Variants in STAMBP observed in about 807,000 individuals in gnomAD.
STAMBP encodes STAM-binding protein.
A neutral mutation model predicts 50.7 loss-of-function variants in STAMBP; 31 were observed. The ratio of observed to expected loss-of-function variants is 0.61; its 90% CI spans 0.46 to 0.83. The LOEUF (loss-of-function observed/expected upper bound fraction) is 0.83, where lower values mean the gene tolerates loss of function less well. Ranked by LOEUF, STAMBP falls within the 40% of genes least tolerant of loss-of-function variation. The pLI, the probability that STAMBP is intolerant of heterozygous loss-of-function variation, is 0.00. For synonymous variants in STAMBP, 211 were observed against 192.4 expected, an observed-to-expected ratio of 1.10 and a Z score of -0.80; for missense variants, 472 against 518.9, an observed-to-expected ratio of 0.91 and a Z score of 0.88.
At chr2:73,861,973 A>G (rs1043081104) in intron 9 of STAMBP, among the ~76,000 whole-genome samples, 12 of 152,060 alleles carry the variant, frequency 7.9e-5, no homozygotes, top group African/African-American at 2.9e-4. Flanking sequence ...CCCCACCTCT[A>G]CTAAAAACAC....
chr2:73,833,233 A>C (rs1674183400), intron 2 of STAMBP, among the ~76,000 whole-genome samples: 1 of 152,204 alleles, frequency 6.6e-6, no homozygotes, highest in African/African-American at 2.4e-5. Flanking sequence ...TATTTGTTAC[A>C]CTTGTAACCT....
downstream of STAMBP, among the ~76,000 whole-genome samples, chr2:73,870,778 AT>A (rs1225853973): frequency 6.6e-6 from 1 of 152,146 alleles, no homozygotes; most frequent in Non-Finnish European, 1.5e-5. Flanking sequence ...GCACAATTCC[AT>A]CAAAATATTT....
At position 73,850,329 on chromosome 2, in the gene STAMBP, T is replaced by C; in HGVS notation, c.868-47T>C. ...CTGTCGGGATGGAGTGGAGCAGGGT[T>C]GCATGAGCACCAGGGAATTGTGACC... On this transcript the variant is annotated intron_variant, in intron 6 of 9. Coordinates refer to ENST00000394070, the MANE Select transcript of STAMBP (RefSeq NM_213622.4). The surrounding 1 kb of genome is among the most constrained non-coding windows in gnomAD (Gnocchi z 4.3). 6.3e-7 allele frequency: 1 copy of C among 1,577,892 alleles called. No individual in the cohort carries two copies.
chr2:73,844,648 A>G, intron 2 of STAMBP, 165 bp from the exon 3 acceptor site: 1 of 497,312 alleles, frequency 2.0e-6, no homozygotes, highest in Non-Finnish European at 3.6e-6. Context: ...TTAGGGGGAT[A>G]GAGATGGGAA....
downstream of STAMBP, among the ~76,000 whole-genome samples, chr2:73,869,514 G>A (rs1159100964): frequency 1.3e-5 from 2 of 152,026 alleles, no homozygotes; most frequent in Admixed American, 6.6e-5. Flanking sequence ...TAACTTGAAA[G>A]ATTATTCTAA....
chr2:73,837,176 TA>T (rs1334107705), intron 2 of STAMBP, among the ~76,000 whole-genome samples: 2 of 152,262 alleles, frequency 1.3e-5, no homozygotes, highest in African/African-American at 4.8e-5. Context: ...GATATTTTCA[TA>T]TTGCATTACA....
At chr2:73,830,773 G>A (rs1345708477) in intron 1 of STAMBP, 72 bp from the exon 2 acceptor site, 1 of 1,163,040 alleles carries the variant, frequency 8.6e-7, no homozygotes, top group Non-Finnish European at 1.2e-6. Flanking sequence ...GTAGAGGTCT[G>A]TGAGATAAAC....
chr2:73,831,154 T>C, intron 2 of STAMBP, 95 bp downstream of exon 2: 1 of 981,792 alleles, frequency 1.0e-6, no homozygotes, highest in East Asian at 2.4e-5. Flanking sequence ...CACAATATCA[T>C]CAACATTAAT....
chr2:73,832,523 C>T (rs1439918511), intron 2 of STAMBP, among the ~76,000 whole-genome samples: 1 of 151,888 alleles, frequency 6.6e-6, no homozygotes, highest in African/African-American at 2.4e-5. Context: ...CAGTGCTTCT[C>T]CCCAGAGACA....
rs767594266 is a variant in STAMBP at position 73,847,523 on chromosome 2, A to C, written c.512A>C (p.Asn171Thr). Residue 171 changes from asparagine to threonine, a missense_variant, in exon 5 of 10, where the codon AAC becomes ACC. Physicochemically the swap from Asn to Thr is moderately conservative, Grantham distance 65. Transcript: ENST00000394070. Reference protein sequence around the residue: ...QFHAFEEMIRNQELEKERLKI... With the variant: ...QFHAFEEMIRTQELEKERLKI... ...CATGCCTTCGAGGAGATGATCCGGA[A>C]CCAGGAGCTAGAAAAAGAGCGACTG... The C allele has an allele frequency of 1.2e-6, 2 of 1,614,184 alleles. No homozygotes were observed. The highest frequency in any genetic ancestry group is 2.2e-5 in the South Asian group (2 of 91,084).
chr2:73,867,402 G>A (rs1284383961), downstream of STAMBP, among the ~76,000 whole-genome samples: 1 of 152,168 alleles, frequency 6.6e-6, no homozygotes, highest in Non-Finnish European at 1.5e-5. Flanking sequence ...AAATTAGCCA[G>A]ATGTGGTGGC....
At position 73,860,144 on chromosome 2, in the gene STAMBP, T is replaced by G. The variant is rs1454897330; in HGVS notation, c.1211T>G (p.Leu404Arg). The G allele has an allele frequency of 1.2e-6, 2 of 1,613,398 alleles. No homozygotes were observed. The highest frequency in any genetic ancestry group is 1.7e-6 in the Non-Finnish European group (2 of 1,179,584). The part of the protein sequence containing the change: ...GFHPHSKDPP[L>R]FCSCSHVTVV... Reference sequence around the variant, plus strand: ...CATCCACACAGCAAGGATCCACCTCTGTTCTGTGTACGTATCTATGTAAAA... The same window carrying G: ...CATCCACACAGCAAGGATCCACCTCGGTTCTGTGTACGTATCTATGTAAAA... The change falls in exon 9 of 10, where the codon CTG (leucine) becomes CGG (arginine). Residue 404 changes from leucine (L) to arginine (R), a missense_variant. Coordinates refer to ENST00000394070, the MANE Select transcript of STAMBP (RefSeq NM_213622.4).
rs2104749016 is a variant in STAMBP at position 73,866,849 on chromosome 2, G to C, written c.*4590G>C. On this transcript the variant is annotated 3_prime_UTR_variant, in exon 10 of 10. Coordinates refer to ENST00000394070, the MANE Select transcript of STAMBP (RefSeq NM_213622.4). The stretch of plus-strand genomic sequence containing the variant: ...GCAACAGTTTAAAGGAGGGGAGGGA[G>C]ATCAGTGGTGCCAACTGGCTCAGAA... 6.6e-6 allele frequency: 1 copy of C among 152,366 alleles called. No individual in the cohort carries two copies. Among genetic ancestry groups the C allele is most frequent in the Middle Eastern group, 3.4e-3 (1 of 294 alleles). 9.4% of individuals were successfully genotyped at this position (152,366 alleles called of 1,614,324 possible).
Position 73,830,939 on chromosome 2 carries a change from A to G in STAMBP, c.83A>G (p.Asn28Ser). The G allele has an allele frequency of 6.2e-7, 1 of 1,614,186 alleles. No homozygotes were observed. The highest frequency in any genetic ancestry group is 8.5e-7 in the Non-Finnish European group (1 of 1,180,030). ...LSQLGSAVEV[N>S]EDIPPRRYFR... ...CAGCTGGGTAGTGCGGTAGAGGTGA[A>G]TGAAGACATTCCACCCCGTCGGTAC... The change falls in exon 2 of 10, where the codon AAT becomes AGT. Residue 28 changes from asparagine (N) to serine (S), a missense_variant. Coordinates refer to ENST00000394070, the MANE Select transcript of STAMBP (RefSeq NM_213622.4).
chr2:73,847,834 C>A (rs1488579567), intron 5 of STAMBP, 81 bp downstream of exon 5: 2 of 1,500,654 alleles, frequency 1.3e-6, no homozygotes, highest in African/African-American at 1.4e-5. Flanking sequence ...CTAAGATTAC[C>A]TCCCTGATCC....
chr2:73,831,094 T>G, intron 2 of STAMBP, 35 bp downstream of exon 2: 1 of 1,563,992 alleles, frequency 6.4e-7, no homozygotes, highest in Non-Finnish European at 8.8e-7. Flanking sequence ...TCCTTTCTGG[T>G]GACTGGTGCC....
At chr2:73,859,727 A>AAAAAAT (rs989302803) in intron 8 of STAMBP, among the ~76,000 whole-genome samples, 7 of 151,424 alleles carry the variant, frequency 4.6e-5, no homozygotes, top group African/African-American at 1.5e-4. Flanking sequence ...TAAAAAAATA[A>AAAAAAT]AAATAAAAAA....
chr2:73,850,561 G>A lies in STAMBP; in HGVS notation c.1005+48G>A, dbSNP rs1160712685. The A allele has an allele frequency of 6.3e-7, 1 of 1,579,598 alleles. No homozygotes were observed. The highest frequency in any genetic ancestry group is 2.3e-5 in the East Asian group (1 of 44,054). ...AGAGTTAGTCTCTGCCTCTCCCATG[G>A]TGGTATAAATACATGAGTGTTTCTT... On this transcript the variant is annotated intron_variant, in intron 7 of 9. Transcript: ENST00000394070. The surrounding 1 kb of genome is among the most constrained non-coding windows in gnomAD (Gnocchi z 4.3).
At chr2:73,840,652 G>A (rs1227323380) in intron 2 of STAMBP, among the ~76,000 whole-genome samples, 1 of 151,434 alleles carries the variant, frequency 6.6e-6, no homozygotes, top group Non-Finnish European at 1.5e-5. Flanking sequence ...GCTGAGGCAG[G>A]AGAATCACTT....
Sources: allele counts gnomAD v4.1 joint callset (sites outside exome capture counted in the v4.1 genomes callset), GRCh38; gene constraint gnomAD v4.1.1; non-coding constraint Gnocchi (gnomAD v3.1); transcripts MANE v1.5; gene names NCBI Gene and HGNC (gene_info 2026-07-23, HGNC 2026-07-21).